Variants in TG observed in about 807,000 individuals in gnomAD.
TG encodes the protein thyroid hormones.
In TG, 270 loss-of-function variants were observed where a neutral mutation model predicts 324.7. That is an observed-to-expected ratio of 0.83 (90% CI 0.75 to 0.92). The LOEUF (loss-of-function observed/expected upper bound fraction) is 0.92, where lower values mean the gene tolerates loss of function less well. Among genes scored for constraint, TG ranks in the 40% least tolerant of loss-of-function variants. TG has a pLI of 0.00. For synonymous variants in TG, 1,401 were observed against 1,327.0 expected, an observed-to-expected ratio of 1.06 and a Z score of -1.21; for missense variants, 3,591 against 3,456.4, an observed-to-expected ratio of 1.04 and a Z score of -0.98.
chr8:132,975,063 A>G (rs1358732048), intron 34 of TG, among the ~76,000 whole-genome samples: 2 of 152,240 alleles, frequency 1.3e-5, no homozygotes, highest in Admixed American at 6.5e-5. Context: ...TATTAAAGGA[A>G]TAATGTTCCA....
chr8:133,103,313 CAG>C (rs1228612810), intron 43 of TG, among the ~76,000 whole-genome samples: 1 of 152,152 alleles, frequency 6.6e-6, no homozygotes, highest in Admixed American at 6.5e-5. Flanking sequence ...TCCCAACACC[CAG>C]AGAGCCCTGT....
chr8:132,934,310 G>A (rs1253137545), intron 24 of TG, among the ~76,000 whole-genome samples: 1 of 151,254 alleles, frequency 6.6e-6, no homozygotes, highest in East Asian at 1.9e-4. Flanking sequence ...ACTCCAGCTT[G>A]GGCTGCAGAG....
intron 41 of TG, among the ~76,000 whole-genome samples, chr8:133,079,909 G>A (rs1845488299): frequency 6.6e-6 from 1 of 151,846 alleles, no homozygotes; most frequent in South Asian, 2.1e-4. Flanking sequence ...ATACAAGATA[G>A]AAGTTCTCGA....
chr8:133,026,469 CT>C (rs1358987382), intron 40 of TG, among the ~76,000 whole-genome samples: 1 of 152,194 alleles, frequency 6.6e-6, no homozygotes, highest in Non-Finnish European at 1.5e-5. Context: ...TTCCCCAAGC[CT>C]GGACCCTGTA....
At chr8:132,959,454 A>G (rs1203053041) in intron 27 of TG, among the ~76,000 whole-genome samples, 1 of 152,256 alleles carries the variant, frequency 6.6e-6, no homozygotes, top group East Asian at 1.9e-4. Context: ...CTGACATTTC[A>G]GATCAAGTAG....
chr8:132,886,350 A>G (rs1815418163), intron 8 of TG, 98 bp from the exon 9 acceptor site: 5 of 1,518,702 alleles, frequency 3.3e-6, no homozygotes, highest in Non-Finnish European at 4.5e-6. Flanking sequence ...CCTTGATTGA[A>G]TGTTCTGGCT....
chr8:132,920,402 A>G (rs541376214), intron 21 of TG, among the ~76,000 whole-genome samples: 1 of 152,334 alleles, frequency 6.6e-6, no homozygotes, highest in South Asian at 2.1e-4. Context: ...TTCTTTGCTC[A>G]GGGCAGTTTC....
chr8:132,967,148 T>TCCAC (rs1554683099), intron 30 of TG, among the ~76,000 whole-genome samples: 7,353 of 142,680 alleles, frequency 0.052, 479 homozygotes, highest in African/African-American at 0.16. Flanking sequence ...CATCCATCCA[T>TCCAC]CCATCCACCC....
chr8:132,904,884 A>G (rs973478989), intron 16 of TG, among the ~76,000 whole-genome samples: 16 of 152,226 alleles, frequency 1.1e-4, no homozygotes, highest in African/African-American at 3.9e-4. Flanking sequence ...ACACACATGC[A>G]TCTAGCACAC....
intron 35 of TG, chr8:133,001,940 G>T (rs2130835377): frequency 5.1e-6 from 5 of 985,482 alleles, no homozygotes; most frequent in Admixed American, 6.1e-5. Flanking sequence ...GCAGCTGAAA[G>T]AAATTCCTCT....
chr8:132,984,487 T>A (rs1831280805), intron 35 of TG, among the ~76,000 whole-genome samples: 1 of 152,196 alleles, frequency 6.6e-6, no homozygotes, highest in Non-Finnish European at 1.5e-5. Context: ...GTTATTGCCA[T>A]GTCAGATGGT....
At chr8:132,962,627 G>C (rs1262152259) in intron 28 of TG, among the ~76,000 whole-genome samples, 1 of 152,202 alleles carries the variant, frequency 6.6e-6, no homozygotes, top group Non-Finnish European at 1.5e-5. Context: ...CACTTGAGTG[G>C]TCTGGGATAA....
At chr8:133,124,253 T>C (rs75151079) in intron 45 of TG, among the ~76,000 whole-genome samples, 5,529 of 152,306 alleles carry the variant, frequency 0.036, 358 homozygotes, top group African/African-American at 0.13. Context: ...TGGGTCTTTC[T>C]TCTGAAGGCC....
At chr8:132,897,832 T>C in intron 12 of TG, 46 bp downstream of exon 12, 1 of 1,611,436 alleles carries the variant, frequency 6.2e-7, no homozygotes, top group Non-Finnish European at 8.5e-7. Flanking sequence ...ACACCCCTTT[T>C]TTATTTTAGA....
chr8:133,011,030 G>T (rs569811726), intron 35 of TG, among the ~76,000 whole-genome samples: 4 of 152,308 alleles, frequency 2.6e-5, no homozygotes, highest in South Asian at 4.1e-4. Flanking sequence ...CTTAGCTGGG[G>T]TTTTCCGAGA....
intron 41 of TG, among the ~76,000 whole-genome samples, chr8:133,033,284 T>G (rs1431305900): frequency 1.3e-5 from 2 of 152,180 alleles, no homozygotes; most frequent in Non-Finnish European, 2.9e-5. Context: ...TTCTTCCCTC[T>G]TCCCTTGCCA....
At chr8:132,994,661 C>T in intron 35 of TG, 2 of 1,282,672 alleles carry the variant, frequency 1.6e-6, no homozygotes, top group Non-Finnish European at 2.0e-6. Flanking sequence ...ATTCCCTGAC[C>T]TCCTGAAGGA....
chr8:132,939,672 T>TTTTGTTTG (rs71299042), intron 25 of TG, among the ~76,000 whole-genome samples: 1 of 147,218 alleles, frequency 6.8e-6, no homozygotes, highest in Non-Finnish European at 1.5e-5. Context: ...GGTTTTTTTT[T>TTTTGTTTG]TTTGTTTGTT....
At chr8:132,921,995 G>A (rs920175152) in intron 21 of TG, among the ~76,000 whole-genome samples, 1 of 152,162 alleles carries the variant, frequency 6.6e-6, no homozygotes, top group Non-Finnish European at 1.5e-5. Context: ...CCAAATGAAG[G>A]CATTCCCTTT....
Sources: gnomAD v4.1 joint callset for allele counts (sites outside exome capture counted in the v4.1 genomes callset) on GRCh38, gnomAD v4.1.1 for gene constraint, MANE v1.5 for transcripts, NCBI Gene and HGNC (gene_info 2026-07-23, HGNC 2026-07-21) for gene names.